The following FGGY variants were observed in gnomAD, a reference collection of about 807,000 sequenced individuals.
The protein encoded by FGGY is FGGY carbohydrate kinase domain containing, also known as FGGY carbohydrate kinase domain-containing protein.
In FGGY, 72 loss-of-function variants were observed where a neutral mutation model predicts 71.3. The observed-to-expected ratio is 1.01, with a 90% CI of 0.84 to 1.23. FGGY has a LOEUF of 1.23. Among genes scored for constraint, FGGY ranks in the 50% most tolerant of loss-of-function variants. The pLI is 0.00. For missense variants in FGGY, 668 were observed against 682.3 expected, an observed-to-expected ratio of 0.98 and a Z score of 0.23; for synonymous variants, 251 against 250.3, an observed-to-expected ratio of 1.00 and a Z score of -0.02.
At chr1:59,374,387 TAA>T (rs1052424427) in intron 4 of FGGY, among the ~76,000 whole-genome samples, 40 of 152,198 alleles carry the variant, frequency 2.6e-4, no homozygotes, top group Non-Finnish European at 8.8e-5. Flanking sequence ...TGGTGATCTT[TAA>T]AAAGTCAGGA....
chr1:59,374,991 A>G (rs2058403982), intron 4 of FGGY, among the ~76,000 whole-genome samples: 1 of 151,368 alleles, frequency 6.6e-6, no homozygotes, highest in African/African-American at 2.4e-5. Flanking sequence ...GGTGCAGCGC[A>G]CCAGCATGTC....
intron 7 of FGGY, among the ~76,000 whole-genome samples, chr1:59,538,025 C>G (rs1172426571): frequency 3.9e-5 from 6 of 152,090 alleles, no homozygotes. Flanking sequence ...AGAGCTTCTG[C>G]ACAGCAAAAG....
intron 7 of FGGY, among the ~76,000 whole-genome samples, chr1:59,525,695 G>A (rs1433690595): frequency 6.6e-6 from 1 of 152,118 alleles, no homozygotes; most frequent in Non-Finnish European, 1.5e-5. Flanking sequence ...CATTGTTATA[G>A]GTATGTTAGA....
At chr1:59,733,789 C>T (rs1404717530) in intron 14 of FGGY, among the ~76,000 whole-genome samples, 2 of 152,246 alleles carry the variant, frequency 1.3e-5, no homozygotes, top group Non-Finnish European at 2.9e-5. Flanking sequence ...AACCCTCACT[C>T]TGCATCCCCC....
intron 4 of FGGY, among the ~76,000 whole-genome samples, chr1:59,363,983 C>A (rs1340964132): frequency 6.6e-6 from 1 of 152,156 alleles, no homozygotes; most frequent in Non-Finnish European, 1.5e-5. Context: ...AGTAAGGATG[C>A]ACATACCCAA....
chr1:59,762,217 G>T (rs1201365293), intron 15 of FGGY, among the ~76,000 whole-genome samples: 1 of 152,112 alleles, frequency 6.6e-6, no homozygotes, highest in Non-Finnish European at 1.5e-5. Flanking sequence ...AGCCTCCTGA[G>T]TAGCTGGGAT....
intron 6 of FGGY, among the ~76,000 whole-genome samples, chr1:59,463,601 T>C (rs1196232796): frequency 6.6e-6 from 1 of 151,696 alleles, no homozygotes; most frequent in Admixed American, 6.6e-5. Flanking sequence ...ATCAGTGTGC[T>C]GTATTCAGGA....
chr1:59,319,392 T>G (rs1204167602), intron 1 of FGGY, among the ~76,000 whole-genome samples: 2 of 152,128 alleles, frequency 1.3e-5, no homozygotes. Flanking sequence ...CAGAAATCAA[T>G]AAGTTCATTT....
chr1:59,419,508 C>T (rs1421566723), intron 5 of FGGY, among the ~76,000 whole-genome samples: 1 of 152,044 alleles, frequency 6.6e-6, no homozygotes, highest in African/African-American at 2.4e-5. Flanking sequence ...GGGGAATCAC[C>T]CTGGAAACCT....
intron 14 of FGGY, among the ~76,000 whole-genome samples, chr1:59,696,343 TA>T: frequency 6.6e-6 from 1 of 152,280 alleles, no homozygotes; most frequent in African/African-American, 2.4e-5. Context: ...TAGAAAATTT[TA>T]AAAAGAAAGA....
intron 4 of FGGY, among the ~76,000 whole-genome samples, chr1:59,370,955 G>C (rs7552161): frequency 0.32 from 48,722 of 151,234 alleles, 8,236 homozygotes; most frequent in African/African-American, 0.41. Context: ...CAAAATCATG[G>C]CAAAATGTAA....
At chr1:59,427,882 T>G (rs1159926795) in intron 5 of FGGY, among the ~76,000 whole-genome samples, 2 of 152,176 alleles carry the variant, frequency 1.3e-5, no homozygotes, top group African/African-American at 2.4e-5. Flanking sequence ...AGCCAGTCAC[T>G]TAACTCCAAT....
rs72244659 is a variant in FGGY at position 59,452,080 on chromosome 1, C to CT, written c.555-4868dup. 5.9e-3 allele frequency among the ~76,000 whole-genome samples: 845 copies of CT among 142,276 alleles called. 4 individuals carry two copies. The highest frequency in any genetic ancestry group is 0.016 in the African/African-American group (620 of 39,508). 93.3% of individuals were successfully genotyped at this position (142,276 alleles called of 152,430 possible). A position where few individuals can be genotyped will look rare whatever the true frequency, so the allele number is the denominator to read the frequency against. On this transcript the variant is annotated intron_variant, in intron 5 of 15. Coordinates refer to ENST00000303721, the MANE Select transcript of FGGY (RefSeq NM_018291.5). ...CAGTATCTCCCTCATTTGTTCTTTT[C>CT]TTTTTTTTTTTTTATTCCTTTTCTC...
intron 14 of FGGY, among the ~76,000 whole-genome samples, chr1:59,737,507 G>A (rs190756076): frequency 1.3e-5 from 2 of 152,326 alleles, no homozygotes; most frequent in East Asian, 1.9e-4. Context: ...AGTGTGACCT[G>A]GATGTGAGAC....
intron 6 of FGGY, among the ~76,000 whole-genome samples, chr1:59,494,354 A>G (rs910198518): frequency 1.3e-5 from 2 of 152,178 alleles, no homozygotes; most frequent in Admixed American, 6.6e-5. Context: ...ATCAGTGTGA[A>G]CATGTGGGCA....
intron 13 of FGGY, among the ~76,000 whole-genome samples, chr1:59,672,570 T>C (rs1378520721): frequency 1.3e-5 from 2 of 152,220 alleles, no homozygotes; most frequent in East Asian, 1.9e-4. Context: ...TGACACCATG[T>C]TGGCAATGTC....
At position 59,421,756 on chromosome 1, in the gene FGGY, T is replaced by C. The variant is rs912751850; in HGVS notation, c.555-35205T>C. 3.3e-5 allele frequency among the ~76,000 whole-genome samples: 5 copies of C among 152,314 alleles called. No homozygotes were observed. In the East Asian group the frequency reaches 7.7e-4, roughly 24 times the overall value. ...GACCCAGATGGGTATTGTAGATGTT[T>C]AGGGCATGCCTTGACCTCTGAGTAG... On this transcript the variant is annotated intron_variant, in intron 5 of 15. Coordinates refer to ENST00000303721, the MANE Select transcript of FGGY (RefSeq NM_018291.5).
chr1:59,597,763 C>T (rs1362430237), intron 8 of FGGY, among the ~76,000 whole-genome samples: 1 of 152,220 alleles, frequency 6.6e-6, no homozygotes, highest in African/African-American at 2.4e-5. Context: ...CTGGAGACTG[C>T]CCTCAGGCAT....
intron 6 of FGGY, among the ~76,000 whole-genome samples, chr1:59,493,175 C>A (rs1159644535): frequency 1.3e-5 from 2 of 149,404 alleles, no homozygotes; most frequent in Non-Finnish European, 3.0e-5. Context: ...AAATTGGAAA[C>A]CTTGTGCAGT....
Sources: gnomAD v4.1 joint callset for allele counts (sites outside exome capture counted in the v4.1 genomes callset) on GRCh38, gnomAD v4.1.1 for gene constraint, MANE v1.5 for transcripts, NCBI Gene and HGNC (gene_info 2026-07-23, HGNC 2026-07-21) for gene names.